The following COL19A1 variants were observed in gnomAD, a reference collection of about 807,000 sequenced individuals.
COL19A1 encodes the protein collagen alpha-1(XIX) chain.
COL19A1 carries 159 observed loss-of-function variants against 190.2 expected under a neutral mutation model. The ratio of observed to expected loss-of-function variants is 0.84; its 90% CI spans 0.73 to 0.95. COL19A1 has a LOEUF of 0.95. Among genes scored for constraint, COL19A1 ranks in the 40% least tolerant of loss-of-function variants. COL19A1 has a pLI of 0.00. For synonymous variants in COL19A1, 509 were observed against 458.9 expected (o/e 1.11, Z -1.39); for missense variants, 1,418 against 1,431.9 (o/e 0.99, Z 0.16).
chr6:70,058,084 C>T (rs1200315089), intron 14 of COL19A1, among the ~76,000 whole-genome samples: 1 of 151,972 alleles, frequency 6.6e-6, no homozygotes, highest in Non-Finnish European at 1.5e-5. Flanking sequence ...TTCTATTATT[C>T]AATTAAAAAT....
In COL19A1 at chr6:70,023,665, C is replaced by T. The variant is rs1433444453; in HGVS notation, c.1065C>T (p.Gly355=). 2 of 1,610,436 alleles carry T rather than the reference C, an allele frequency of 1.2e-6. No individual in the cohort carries two copies. Among genetic ancestry groups the T allele is most frequent in the Non-Finnish European group, 1.7e-6 (2 of 1,178,978 alleles). ...AAAAAGGAGATCCAGCTCTGGCTGG[C>T]CTTAATGGAGAAAATGTAAGCCTAA... ...QGEKGDPALA[G]LNGENGLKGD... is the part of the protein sequence containing the mutation. The change falls in exon 12 of 51, where the codon GGC becomes GGT. Residue 355 remains glycine (G), a synonymous_variant. Coordinates refer to ENST00000620364, the MANE Select transcript of COL19A1 (RefSeq NM_001858.6).
chr6:70,140,370 ATTT>A (rs1786169138), intron 19 of COL19A1, among the ~76,000 whole-genome samples: 3 of 151,902 alleles, frequency 2.0e-5, no homozygotes, highest in Non-Finnish European at 2.9e-5. Context: ...TTGCTGTATT[ATTT>A]TTTATTGTTT....
intron 13 of COL19A1, among the ~76,000 whole-genome samples, chr6:70,034,514 T>G (rs1779240677): frequency 6.6e-6 from 1 of 152,202 alleles, no homozygotes; most frequent in Non-Finnish European, 1.5e-5. Flanking sequence ...TAGCTGGTAT[T>G]TATAAGATTT....
intron 44 of COL19A1, among the ~76,000 whole-genome samples, chr6:70,184,176 A>G (rs532492902): frequency 6.6e-6 from 1 of 152,254 alleles, no homozygotes; most frequent in African/African-American, 2.4e-5. Context: ...ACTTTATTTC[A>G]TAGTAGGATC....
intron 31 of COL19A1, among the ~76,000 whole-genome samples, chr6:70,154,534 G>C (rs1050140252): frequency 1.3e-5 from 2 of 152,110 alleles, no homozygotes; most frequent in Non-Finnish European, 2.9e-5. Flanking sequence ...ATTCATCAGG[G>C]TTCTCTAGAG....
chr6:70,199,281 A>G (rs974716834), intron 48 of COL19A1, among the ~76,000 whole-genome samples: 2 of 152,200 alleles, frequency 1.3e-5, no homozygotes, highest in African/African-American at 2.4e-5. Context: ...ATCATTTTTT[A>G]ATGTGAACCT....
At chr6:70,165,373 A>T (rs958560752) in intron 36 of COL19A1, among the ~76,000 whole-genome samples, 1 of 152,238 alleles carries the variant, frequency 6.6e-6, no homozygotes, top group Non-Finnish European at 1.5e-5. Flanking sequence ...ACTATACCAC[A>T]GTTGCTTCTG....
At chr6:69,892,231 C>T (rs1769402546) in intron 2 of COL19A1, among the ~76,000 whole-genome samples, 1 of 152,192 alleles carries the variant, frequency 6.6e-6, no homozygotes. Flanking sequence ...TTGCTCAGAA[C>T]TAGAATATTG....
At chr6:70,047,711 C>T (rs929460042) in intron 14 of COL19A1, among the ~76,000 whole-genome samples, 1 of 152,072 alleles carries the variant, frequency 6.6e-6, no homozygotes, top group Non-Finnish European at 1.5e-5. Flanking sequence ...CTTCCTATTA[C>T]ATACTATTGC....
chr6:70,155,887 G>C (rs1787399347), intron 31 of COL19A1, among the ~76,000 whole-genome samples: 1 of 152,074 alleles, frequency 6.6e-6, no homozygotes, highest in Admixed American at 6.6e-5. Flanking sequence ...TTGGAGACCT[G>C]TTTTAAAAAT....
chr6:69,867,989 CTT>C (rs1488808434), intron 1 of COL19A1, among the ~76,000 whole-genome samples: 3 of 151,840 alleles, frequency 2.0e-5, no homozygotes, highest in African/African-American at 7.2e-5. Flanking sequence ...TCAGTCCCAT[CTT>C]CTGCTTGGAT....
At chr6:69,921,402 CAT>C (rs1291320359) in intron 4 of COL19A1, among the ~76,000 whole-genome samples, 5 of 97,396 alleles carry the variant, frequency 5.1e-5, no homozygotes, top group African/African-American at 1.2e-4. Flanking sequence ...TATCATATAT[CAT>C]ATATATCATA....
intron 15 of COL19A1, among the ~76,000 whole-genome samples, chr6:70,094,729 G>C (rs1315339885): frequency 6.6e-6 from 1 of 152,110 alleles, no homozygotes; most frequent in African/African-American, 2.4e-5. Context: ...GAAGCATTAG[G>C]TTATTTTTAC....
chr6:70,027,401 A>G (rs1374062449), intron 12 of COL19A1, among the ~76,000 whole-genome samples: 2 of 152,194 alleles, frequency 1.3e-5, no homozygotes, highest in Non-Finnish European at 1.5e-5. Context: ...CACTCTTGGC[A>G]TTTTGGCAAG....
At chr6:69,961,826 C>T (rs1333350820) in intron 10 of COL19A1, among the ~76,000 whole-genome samples, 1 of 151,850 alleles carries the variant, frequency 6.6e-6, no homozygotes, top group Non-Finnish European at 1.5e-5. Flanking sequence ...AAAAAACATA[C>T]TCACAAACTA....
chr6:70,092,114 T>C (rs1782966724), intron 15 of COL19A1, among the ~76,000 whole-genome samples: 1 of 152,066 alleles, frequency 6.6e-6, no homozygotes, highest in African/African-American at 2.4e-5. Flanking sequence ...ATCTAAAGCC[T>C]GGGGATAAGT....
At chr6:70,005,488 G>T (rs2150088737) in intron 11 of COL19A1, among the ~76,000 whole-genome samples, 1 of 152,302 alleles carries the variant, frequency 6.6e-6, no homozygotes, top group Admixed American at 6.5e-5. Context: ...ACCTGGAGAT[G>T]TCACTCAAGG....
intron 9 of COL19A1, among the ~76,000 whole-genome samples, chr6:69,945,855 G>C (rs1773763253): frequency 6.6e-6 from 1 of 151,982 alleles, no homozygotes; most frequent in African/African-American, 2.4e-5. Context: ...TAGTGACAGA[G>C]AAACTCATTC....
Position 69,892,815 on chromosome 6 carries a change from C to T in COL19A1, c.92-6133C>T, listed in dbSNP as rs563313248. 5.9e-5 allele frequency among the ~76,000 whole-genome samples: 9 copies of T among 152,344 alleles called. No homozygotes were observed. In the South Asian group the frequency reaches 1.9e-3, roughly 32 times the overall value. ...TATCATCCCTGCAAGTTGAGATTGA[C>T]TCCTTAAAGGGAAGCATACCCTTCC... On this transcript the variant is annotated intron_variant, in intron 2 of 50. Transcript: ENST00000620364.
Sources: gnomAD v4.1 joint callset for allele counts (sites outside exome capture counted in the v4.1 genomes callset) on GRCh38, gnomAD v4.1.1 for gene constraint, MANE v1.5 for transcripts, NCBI Gene and HGNC (gene_info 2026-07-23, HGNC 2026-07-21) for gene names.